Variants in SHCBP1L observed in about 807,000 individuals in gnomAD.
SHCBP1L encodes SHC binding and spindle associated 1 like, also known as testicular spindle-associated protein SHCBP1L.
In SHCBP1L, 67 loss-of-function variants were observed where a neutral mutation model predicts 62.5. That is an observed-to-expected ratio of 1.07 (90% CI 0.88 to 1.31). The LOEUF is 1.31. SHCBP1L is among the 40% of genes most tolerant of loss of function. The probability of loss-of-function intolerance (pLI) is 0.00; values close to 1 mark genes in which losing one functional copy is unlikely to be tolerated. For synonymous variants in SHCBP1L, 284 were observed against 289.4 expected (o/e 0.98, Z 0.19); for missense variants, 823 against 809.8 (o/e 1.02, Z -0.20).
intron 2 of SHCBP1L, among the ~76,000 whole-genome samples, chr1:182,943,858 G>A (rs1177699345): frequency 2.6e-5 from 4 of 151,790 alleles, no homozygotes; most frequent in East Asian, 2.0e-4. Flanking sequence ...GGTGGCTCAC[G>A]CCTGTAATCC....
chr1:182,930,592 T>C (rs867261521), intron 5 of SHCBP1L, among the ~76,000 whole-genome samples: 25 of 115,838 alleles, frequency 2.2e-4, no homozygotes, highest in African/African-American at 6.3e-4. Context: ...TATATATATA[T>C]ATACACATAT....
intron 7 of SHCBP1L, among the ~76,000 whole-genome samples, chr1:182,905,027 G>A (rs1649968701): frequency 1.3e-5 from 2 of 152,134 alleles, no homozygotes; most frequent in Admixed American, 1.3e-4. Context: ...GATTACAGGC[G>A]TGAGGCACCA....
chr1:182,924,974 G>GAAAA (rs772984933), intron 6 of SHCBP1L, among the ~76,000 whole-genome samples: 140 of 109,552 alleles, frequency 1.3e-3, no homozygotes, highest in South Asian at 5.1e-3. Flanking sequence ...AAGAAAGAAA[G>GAAAA]AAAAAAAAAG....
At chr1:182,944,885 T>A (rs890444964) in intron 2 of SHCBP1L, among the ~76,000 whole-genome samples, 1 of 151,990 alleles carries the variant, frequency 6.6e-6, no homozygotes, top group Non-Finnish European at 1.5e-5. Flanking sequence ...TTTTCATTCC[T>A]GCAAAAAACG....
At chr1:182,914,970 C>A (rs151285034) in intron 6 of SHCBP1L, among the ~76,000 whole-genome samples, 9,084 of 151,756 alleles carry the variant, frequency 0.06, 384 homozygotes, top group African/African-American at 0.12. Context: ...GAATTTGAGA[C>A]CAGCCTGGCC....
chr1:182,952,155 CCAAAAAAA>C (rs1558007457), intron 1 of SHCBP1L, among the ~76,000 whole-genome samples: 3 of 19,074 alleles, frequency 1.6e-4, no homozygotes, highest in African/African-American at 4.9e-4. Context: ...AACTCCGTCT[CCAAAAAAA>C]AAAAAAAAAA....
intron 5 of SHCBP1L, among the ~76,000 whole-genome samples, chr1:182,936,438 C>A (rs1403632897): frequency 3.3e-5 from 5 of 151,970 alleles, no homozygotes; most frequent in Admixed American, 6.6e-5. Context: ...CCCAGACCTG[C>A]CTCTTCTAGT....
chr1:182,936,240 AT>A (rs2101948204), intron 5 of SHCBP1L, among the ~76,000 whole-genome samples: 1 of 140,630 alleles, frequency 7.1e-6, no homozygotes, highest in African/African-American at 2.6e-5. Context: ...GGTTCAAGTG[AT>A]TCTCGTGTCT....
chr1:182,912,115 C>T lies in SHCBP1L; in HGVS notation c.1183-6466G>A, dbSNP rs148176259. Among the ~76,000 whole-genome samples the T allele has an allele frequency of 1.5e-3, 227 of 152,268 alleles. 1 individual carries two copies. The highest frequency in any genetic ancestry group is 5.0e-3 in the African/African-American group (206 of 41,544). On this transcript the variant is annotated intron_variant, in intron 6 of 9. Transcript: ENST00000367547. ...AGGGCAGGACTCTAATATTCCTGTG[C>T]TTTTCTGATTGTGGGTCATAAGACC...
intron 6 of SHCBP1L, among the ~76,000 whole-genome samples, chr1:182,922,004 T>C (rs978939538): frequency 1.3e-5 from 2 of 152,138 alleles, no homozygotes; most frequent in Non-Finnish European, 2.9e-5. Flanking sequence ...TATTTTAATT[T>C]CAGACAAAAT....
intron 5 of SHCBP1L, among the ~76,000 whole-genome samples, chr1:182,936,672 T>C (rs1252577087): frequency 6.6e-6 from 1 of 152,176 alleles, no homozygotes; most frequent in African/African-American, 2.4e-5. Context: ...GTTTCATTTA[T>C]TTCAGTAATC....
chr1:182,910,848 T>A (rs1185027230), intron 6 of SHCBP1L, among the ~76,000 whole-genome samples: 1 of 151,378 alleles, frequency 6.6e-6, no homozygotes, highest in Admixed American at 6.6e-5. Context: ...ACTGGGAGAG[T>A]TTTTGTTTTT....
intron 2 of SHCBP1L, chr1:182,942,480 G>A: frequency 1.5e-6 from 1 of 649,304 alleles, no homozygotes. Flanking sequence ...TGGGCTGCCT[G>A]GCCGCTGCCA....
Position 182,905,508 on chromosome 1 carries a change from T to A in SHCBP1L, c.1324A>T (p.Ile442Phe). The change falls in exon 7 of 10, where the codon ATC becomes TTC. Residue 442 changes from isoleucine to phenylalanine, a missense_variant. Physicochemically the swap from Ile to Phe is conservative, Grantham distance 21. Transcript: ENST00000367547. ...ATGCCCTGCTAACCCTTTATAATGATGTCATCTGTCAACAAAGCAAGATTT... is the reference window on the plus strand; with the variant it reads ...ATGCCCTGCTAACCCTTTATAATGAAGTCATCTGTCAACAAAGCAAGATTT... Reference protein sequence around the residue: ...AANLALLTDDIIIKGVGKREE... With the variant: ...AANLALLTDDFIIKGVGKREE... 6.2e-7 allele frequency: 1 copy of A among 1,613,714 alleles called. No individual in the cohort carries two copies. The highest frequency in any genetic ancestry group is 1.7e-4 in the Middle Eastern group (1 of 6,054).
chr1:182,900,147 G>C lies in SHCBP1L; in HGVS notation c.1798C>G (p.Gln600Glu). Residue 600 changes from glutamine to glutamate, a missense_variant, in exon 10 of 10, where the codon CAG becomes GAG. Coordinates refer to ENST00000367547, the MANE Select transcript of SHCBP1L (RefSeq NM_030933.4). ...GCTTCTTCTGCTACGATAAAAAACT[G>C]TTCCATTGGTTGAAGAATGCTTACT... is the stretch of plus-strand genomic sequence containing the variant. ...YGVSILQPMEQFFIVAEEALN... is the reference protein window; with the variant it reads ...YGVSILQPMEEFFIVAEEALN... 1.2e-6 allele frequency: 2 copies of C among 1,612,144 alleles called. No homozygotes were observed. Among genetic ancestry groups the C allele is most frequent in the Non-Finnish European group, 1.7e-6 (2 of 1,178,976 alleles).
chr1:182,922,552 T>TAAAA (rs201825711), intron 6 of SHCBP1L, among the ~76,000 whole-genome samples: 1 of 132,426 alleles, frequency 7.6e-6, no homozygotes. Context: ...AGACTCCATC[T>TAAAA]AAAAAAAAAA....
At chr1:182,946,540 C>A (rs1436980682) in intron 2 of SHCBP1L, among the ~76,000 whole-genome samples, 1 of 152,112 alleles carries the variant, frequency 6.6e-6, no homozygotes, top group Non-Finnish European at 1.5e-5. Context: ...TCAGTACCAG[C>A]AAATTTTCAT....
In SHCBP1L at chr1:182,952,714, C is replaced by G; in HGVS notation, c.405+15G>C. 1 of 1,590,644 alleles carries G rather than the reference C, an allele frequency of 6.3e-7. No individual in the cohort carries two copies. Among genetic ancestry groups the G allele is most frequent in the Non-Finnish European group, 8.6e-7 (1 of 1,168,034 alleles). ...GAGCTTCCGACCGTAGTCTTCCTGT[C>G]CCGGATCCGCTCACCTTACAGTCCT... On this transcript the variant is annotated intron_variant, in intron 1 of 9. Coordinates refer to ENST00000367547, the MANE Select transcript of SHCBP1L (RefSeq NM_030933.4).
chr1:182,921,704 G>A (rs1379209212), intron 6 of SHCBP1L, among the ~76,000 whole-genome samples: 1 of 152,108 alleles, frequency 6.6e-6, no homozygotes, highest in Non-Finnish European at 1.5e-5. Flanking sequence ...TCAGGAATTC[G>A]AGACCAGCTT....
Sources: gnomAD v4.1 joint callset for allele counts (sites outside exome capture counted in the v4.1 genomes callset) on GRCh38, gnomAD v4.1.1 for gene constraint, MANE v1.5 for transcripts, NCBI Gene and HGNC (gene_info 2026-07-23, HGNC 2026-07-21) for gene names.